The following HDHD5 variants were observed in gnomAD, a reference collection of about 807,000 sequenced individuals.
HDHD5 encodes haloacid dehalogenase-like hydrolase domain-containing 5.
HDHD5 carries 34 observed loss-of-function variants against 35.5 expected under a neutral mutation model. The ratio of observed to expected loss-of-function variants is 0.96; its 90% CI spans 0.73 to 1.28. The LOEUF is 1.28. Ranked by LOEUF, HDHD5 falls within the 50% of genes most tolerant of loss-of-function variation. The pLI, the probability that HDHD5 is intolerant of heterozygous loss-of-function variation, is 0.00. For synonymous variants in HDHD5, 248 were observed against 240.6 expected, an observed-to-expected ratio of 1.03 and a Z score of -0.29; for missense variants, 589 against 560.2, an observed-to-expected ratio of 1.05 and a Z score of -0.52.
chr22:17,153,645 C>T (rs2088893779), intron 1 of HDHD5, among the ~76,000 whole-genome samples: 3 of 152,128 alleles, frequency 2.0e-5, no homozygotes, highest in Admixed American at 2.0e-4. Context: ...TAGCACTTTT[C>T]GGATTTCATT....
rs1477643847 is a variant in HDHD5, at chr22:17,165,084, GA to G, written c.36+124del. On this transcript the variant is annotated intron_variant, in intron 1 of 7. Transcript: ENST00000155674. ...CAGTCTTGCTGAGGGAGAATTCTGA[GA>G]AGGTGGAGTTCTCTGTAGGGAAGGG... The G allele has an allele frequency of 1.4e-5, 10 of 690,748 alleles. No individual in the cohort carries two copies. In the Admixed American group the frequency reaches 2.0e-4, roughly 14 times the overall value. 42.8% of individuals were successfully genotyped at this position (690,748 alleles called of 1,614,324 possible).
Position 17,138,174 on chromosome 22 carries a change from G to A in HDHD5, c.1119C>T (p.Ser373=), listed in dbSNP as rs757251958. ...TGVYNPRNPQ[S]TEPVLGGGEP... ...CCCCTCCTCCAAGGACAGGCTCCGTGGACTGTGGGTTCCTGGGATTGTAGA... is the reference window on the plus strand; with the variant it reads ...CCCCTCCTCCAAGGACAGGCTCCGTAGACTGTGGGTTCCTGGGATTGTAGA... Residue 373 remains serine, a synonymous_variant, in exon 8 of 8, where the codon TCC becomes TCT. Coordinates refer to ENST00000336737, the MANE Select transcript of HDHD5 (RefSeq NM_033070.3). 6 of 1,614,048 alleles carry A rather than the reference G, an allele frequency of 3.7e-6. No individual in the cohort carries two copies. The African/African-American group carries it at 5.3e-5, about 14-fold the overall frequency.
Position 17,141,141 on chromosome 22 carries a change from G to A in HDHD5, c.664C>T (p.Leu222=), listed in dbSNP as rs2061596449. The A allele has an allele frequency of 6.3e-7, 1 of 1,593,960 alleles. No homozygotes were observed. Among genetic ancestry groups the A allele is most frequent in the Non-Finnish European group, 8.5e-7 (1 of 1,172,084 alleles). ...AGGTGGGGGTAGGGGGGTGTTGCCAGGCCAGCCCCAGGGCTCCCATTGCTG... is the reference window on the plus strand; with the variant it reads ...AGGTGGGGGTAGGGGGGTGTTGCCAAGCCAGCCCCAGGGCTCCCATTGCTG... The part of the protein sequence containing the change: ...LLSNGSPGAG[L]ATPPYPHLPV... The change falls in exon 6 of 8, where the codon CTG becomes TTG. Residue 222 remains leucine, a synonymous_variant. Transcript: ENST00000336737.
chr22:17,159,281 G>C (rs2061841995), upstream of HDHD5: 11 of 1,222,922 alleles, frequency 9.0e-6, 2 homozygotes, highest in Middle Eastern at 3.2e-4. Flanking sequence ...CGTGCACGGC[G>C]TGCGGCCCCC....
intron 1 of HDHD5, among the ~76,000 whole-genome samples, chr22:17,156,439 C>T (rs2061791852): frequency 6.6e-6 from 1 of 151,844 alleles, no homozygotes; most frequent in South Asian, 2.1e-4. Flanking sequence ...GGTGAAACCC[C>T]ATCTCTACCA....
Position 17,141,248 on chromosome 22 carries a change from G to T in HDHD5, c.572-15C>A. 6.3e-7 allele frequency: 1 copy of T among 1,584,386 alleles called. No homozygotes were observed. Among genetic ancestry groups the T allele is most frequent in the Non-Finnish European group, 8.6e-7 (1 of 1,168,388 alleles). On this transcript the variant is annotated splice_polypyrimidine_tract_variant and intron_variant, in intron 5 of 7. Coordinates refer to ENST00000336737, the MANE Select transcript of HDHD5 (RefSeq NM_033070.3). The stretch of plus-strand genomic sequence containing the variant: ...GAGGAGCACCCCTTTAAAGAACAGA[G>T]GCGCAGGTGAGGGCTGCAGGGCAGA...
At chr22:17,141,302 G>A in intron 5 of HDHD5, 69 bp from the exon 6 acceptor site, 1 of 1,517,682 alleles carries the variant, frequency 6.6e-7, no homozygotes, top group Non-Finnish European at 8.7e-7. Flanking sequence ...CAGGATGCCA[G>A]CTAGGGCTAC....
Position 17,141,210 on chromosome 22 carries a change from CCGG to C in HDHD5, c.592_594del (p.Pro198del). 6.3e-7 allele frequency: 1 copy of C among 1,596,994 alleles called. No individual in the cohort carries two copies. Among genetic ancestry groups the C allele is most frequent in the South Asian group, 1.1e-5 (1 of 88,688 alleles). ...AGCTGCAGGCTGGTCTCCCAGCGGA[CCGG>C]CTCCCCTAGGAGGAGCACCCCTTTA... On this transcript the variant is annotated inframe_deletion, in exon 6 of 8. Coordinates refer to ENST00000336737, the MANE Select transcript of HDHD5 (RefSeq NM_033070.3).
rs1235762742 is a variant in HDHD5, at chr22:17,141,072, C to T, written c.733G>A (p.Ala245Thr). The change falls in exon 6 of 8, where the codon GCC (alanine) becomes ACC (threonine). Residue 245 changes from alanine (A) to threonine (T), a missense_variant. Physicochemically the swap from Ala to Thr is moderately conservative, Grantham distance 58. Transcript: ENST00000336737. ...SNMDLLWMAE[A>T]KMPRFGHGTF... ...TTGTGTCCTCACCTGGGCATCTTGG[C>T]TTCAGCCATCCACAGGAGATCCATG... The T allele has an allele frequency of 1.8e-5, 28 of 1,584,172 alleles. No homozygotes were observed. Among genetic ancestry groups the T allele is most frequent in the Non-Finnish European group, 2.4e-5 (28 of 1,167,130 alleles).
intron 6 of HDHD5, among the ~76,000 whole-genome samples, chr22:17,139,160 C>T (rs764596812): frequency 3.9e-5 from 6 of 152,202 alleles, no homozygotes; most frequent in African/African-American, 7.2e-5. Context: ...GCCAGCGAGG[C>T]GTGGCCATGT....
Position 17,143,264 on chromosome 22 carries a change from A to G in HDHD5, c.538-133T>C. 2 of 891,514 alleles carry G rather than the reference A, an allele frequency of 2.2e-6. 1 individual carries two copies. The highest frequency in any genetic ancestry group is 3.9e-5 in the South Asian group (2 of 51,442). 55.2% of individuals were successfully genotyped at this position (891,514 alleles called of 1,614,324 possible). ...GACCCCACACCCGTGGTCAAGCCCA[A>G]GCCAAGGGAAAGCTGGAGAGGACTG... On this transcript the variant is annotated intron_variant, in intron 4 of 7. Transcript: ENST00000336737.
At chr22:17,164,176 G>A (rs1370535769), upstream of HDHD5, among the ~76,000 whole-genome samples, 1 of 150,180 alleles carries the variant, frequency 6.7e-6, no homozygotes, top group Non-Finnish European at 1.5e-5. Flanking sequence ...AGCTGAGACC[G>A]TGCCACTGCA....
chr22:17,155,023 AAGG>A (rs1256359870), intron 1 of HDHD5, among the ~76,000 whole-genome samples: 1 of 152,164 alleles, frequency 6.6e-6, no homozygotes, highest in Non-Finnish European at 1.5e-5. Context: ...GCCACAAAAA[AAGG>A]AGGAGGGAGA....
At chr22:17,159,539 C>A (rs753160847), upstream of HDHD5, 2 of 454,572 alleles carry the variant, frequency 4.4e-6, no homozygotes, top group Non-Finnish European at 8.7e-6. Flanking sequence ...TCGCCCTGTG[C>A]CTGCGGATCC....
chr22:17,148,562 T>C lies in HDHD5; in HGVS notation c.331-2A>G. The stretch of plus-strand genomic sequence containing the variant: ...GAGGATAACTTGGTCTGCATCCACC[T>C]GTAGGGACAGCCAAGACAGGGGAGG... On this transcript the variant is annotated splice_acceptor_variant, in intron 2 of 7. Coordinates refer to ENST00000336737, the MANE Select transcript of HDHD5 (RefSeq NM_033070.3). LOFTEE classifies it high-confidence loss of function. 1 of 1,610,670 alleles carries C rather than the reference T, an allele frequency of 6.2e-7. No homozygotes were observed. The highest frequency in any genetic ancestry group is 8.5e-7 in the Non-Finnish European group (1 of 1,176,944).
chr22:17,144,750 T>C (rs548488656), intron 4 of HDHD5, among the ~76,000 whole-genome samples: 1 of 151,776 alleles, frequency 6.6e-6, no homozygotes, highest in Non-Finnish European at 1.5e-5. Context: ...GGGGTCTCAC[T>C]ATGTTGCCCA....
At chr22:17,145,205 C>A (rs749669932) in intron 3 of HDHD5, 88 bp from the exon 4 acceptor site, 119 of 1,567,806 alleles carry the variant, frequency 7.6e-5, no homozygotes, top group Non-Finnish European at 9.6e-5. Context: ...GGGAACACAA[C>A]CCACTCCTGA....
chr22:17,141,966 G>A (rs1295093495), intron 5 of HDHD5: 2 of 152,260 alleles, frequency 1.3e-5, no homozygotes, highest in African/African-American at 4.8e-5. Flanking sequence ...AATTTTAGTT[G>A]TCACAATGAC....
chr22:17,144,797 T>C (rs115008888), intron 4 of HDHD5, among the ~76,000 whole-genome samples: 1,774 of 152,164 alleles, frequency 0.012, 36 homozygotes, highest in African/African-American at 0.039. Context: ...ACAGTCCTCC[T>C]GTTTCAGCCT....
Sources: gnomAD v4.1 joint callset for allele counts (sites outside exome capture counted in the v4.1 genomes callset) on GRCh38, gnomAD v4.1.1 for gene constraint, MANE v1.5 for transcripts, NCBI Gene and HGNC (gene_info 2026-07-23, HGNC 2026-07-21) for gene names.